RTN1: variants seen among roughly 807,000 people sequenced by gnomAD.
RTN1 encodes reticulon-1.
RTN1 carries 25 observed loss-of-function variants against 65.5 expected under a neutral mutation model. That is an observed-to-expected ratio of 0.38 (90% CI 0.28 to 0.53). The LOEUF is 0.53. RTN1 is among the 20% of genes least tolerant of loss of function. The pLI, the probability that RTN1 is intolerant of heterozygous loss-of-function variation, is 0.79. For synonymous variants in RTN1, 471 were observed against 447.6 expected, an observed-to-expected ratio of 1.05 and a Z score of -0.66; for missense variants, 983 against 1,025.4, an observed-to-expected ratio of 0.96 and a Z score of 0.57.
intron 2 of RTN1, among the ~76,000 whole-genome samples, chr14:59,740,556 G>A (rs1019081774): frequency 6.6e-6 from 1 of 152,152 alleles, no homozygotes; most frequent in Non-Finnish European, 1.5e-5. Flanking sequence ...AAGGCCCAGG[G>A]TCTTGCTTTA....
intron 3 of RTN1, among the ~76,000 whole-genome samples, chr14:59,701,731 G>C (rs896420933): frequency 2.0e-5 from 3 of 152,044 alleles, no homozygotes. Context: ...TTTCTTTTTG[G>C]GGTGATGAAA....
intron 1 of RTN1, among the ~76,000 whole-genome samples, chr14:59,781,987 C>G (rs1053559859): frequency 5.3e-5 from 8 of 152,006 alleles, no homozygotes; most frequent in African/African-American, 9.7e-5. Context: ...GGAGGTAGGG[C>G]CTTTGGGAGG....
intron 3 of RTN1, among the ~76,000 whole-genome samples, chr14:59,624,450 G>A (rs1178340178): frequency 6.6e-6 from 1 of 151,714 alleles, no homozygotes; most frequent in Admixed American, 6.6e-5. Context: ...TCTTTGAATG[G>A]CTGTATTTTC....
intron 3 of RTN1, among the ~76,000 whole-genome samples, chr14:59,680,446 A>T (rs998881865): frequency 6.6e-6 from 1 of 152,226 alleles, no homozygotes; most frequent in African/African-American, 2.4e-5. Flanking sequence ...GTTTACAATA[A>T]GTCTATCTTT....
At chr14:59,684,731 A>G (rs1883811969) in intron 3 of RTN1, among the ~76,000 whole-genome samples, 1 of 152,098 alleles carries the variant, frequency 6.6e-6, no homozygotes, top group African/African-American at 2.4e-5. Flanking sequence ...CTTGAGCAAT[A>G]AAGTTGCAAA....
intron 3 of RTN1, among the ~76,000 whole-genome samples, chr14:59,626,515 G>GA (rs544882892): frequency 6.6e-6 from 1 of 152,250 alleles, no homozygotes. Flanking sequence ...GATCTGGGGA[G>GA]AAAAAATGAT....
intron 1 of RTN1, among the ~76,000 whole-genome samples, chr14:59,805,110 G>A (rs1886614277): frequency 6.6e-6 from 1 of 152,138 alleles, no homozygotes; most frequent in African/African-American, 2.4e-5. Flanking sequence ...CCAAAGTATT[G>A]GTGTGGCTCA....
intron 1 of RTN1, among the ~76,000 whole-genome samples, chr14:59,817,300 T>C (rs528035549): frequency 2.6e-4 from 40 of 152,286 alleles, no homozygotes; most frequent in African/African-American, 9.4e-4. Context: ...CATGAGCCTA[T>C]CTACAGGAGG....
intron 3 of RTN1, among the ~76,000 whole-genome samples, chr14:59,688,117 TC>T (rs1883886082): frequency 6.6e-6 from 1 of 151,576 alleles, no homozygotes; most frequent in Admixed American, 6.6e-5. Flanking sequence ...ACAGGGGCCC[TC>T]TCTACTCGAT....
chr14:59,611,893 C>T (rs1007914022), intron 3 of RTN1, among the ~76,000 whole-genome samples: 4 of 152,096 alleles, frequency 2.6e-5, no homozygotes, highest in Non-Finnish European at 5.9e-5. Context: ...GATGGAAATC[C>T]AGCAGGCCTA....
intron 3 of RTN1, among the ~76,000 whole-genome samples, chr14:59,632,427 T>C (rs897509443): frequency 6.6e-6 from 1 of 152,212 alleles, no homozygotes; most frequent in Non-Finnish European, 1.5e-5. Context: ...GACTTCTCAC[T>C]GCATGATATG....
intron 1 of RTN1, among the ~76,000 whole-genome samples, chr14:59,818,816 C>G (rs1023004129): frequency 2.0e-5 from 3 of 152,228 alleles, no homozygotes; most frequent in Non-Finnish European, 4.4e-5. Context: ...TCTGCAACCT[C>G]AGCGACATCT....
At chr14:59,622,213 C>T (rs192650957) in intron 3 of RTN1, among the ~76,000 whole-genome samples, 82 of 152,294 alleles carry the variant, frequency 5.4e-4, no homozygotes, top group African/African-American at 1.9e-3. Flanking sequence ...TAGTGGCACA[C>T]GCCTGTGATC....
In RTN1 at chr14:59,803,570, T is replaced by C. The variant is rs948270034; in HGVS notation, c.242-57089A>G. Among the ~76,000 whole-genome samples the C allele has an allele frequency of 1.3e-5, 2 of 152,074 alleles. No individual in the cohort carries two copies. Among genetic ancestry groups the C allele is most frequent in the Admixed American group, 1.3e-4 (2 of 15,272 alleles). ...AGAGGGGTGTGAGATCTCCCAGAAT[T>C]TTCCTACCTGGGAAATCAGCATCAT... On this transcript the variant is annotated intron_variant, in intron 1 of 8. Coordinates refer to ENST00000267484, the MANE Select transcript of RTN1 (RefSeq NM_021136.3). The surrounding 1 kb of genome is among the most constrained non-coding windows in gnomAD (Gnocchi z 5.6).
chr14:59,777,933 C>T (rs770743292), intron 1 of RTN1, among the ~76,000 whole-genome samples: 4 of 152,142 alleles, frequency 2.6e-5, no homozygotes, highest in South Asian at 2.1e-4. Flanking sequence ...GCAGCCTCTA[C>T]GTGTCTCTTT....
chr14:59,767,221 G>T (rs1885866801), intron 1 of RTN1, among the ~76,000 whole-genome samples: 1 of 152,128 alleles, frequency 6.6e-6, no homozygotes, highest in Non-Finnish European at 1.5e-5. Context: ...GTGTGGACAT[G>T]GACTATGTTT....
intron 3 of RTN1, among the ~76,000 whole-genome samples, chr14:59,625,071 T>G (rs1882356700): frequency 6.6e-6 from 1 of 152,142 alleles, no homozygotes; most frequent in South Asian, 2.1e-4. Context: ...AGATTATCAT[T>G]TCAAATATAA....
chr14:59,635,104 G>A (rs186816592), intron 3 of RTN1, among the ~76,000 whole-genome samples: 5 of 152,218 alleles, frequency 3.3e-5, no homozygotes, highest in South Asian at 4.1e-4. Context: ...TCAATACCCC[G>A]ACCCACATTA....
rs370370666 is a variant in RTN1, at chr14:59,596,698, C to T, written c.*47G>A. 6.5e-6 allele frequency: 9 copies of T among 1,389,742 alleles called. No individual in the cohort carries two copies. The highest frequency in any genetic ancestry group is 8.2e-6 in the Non-Finnish European group (8 of 975,954). The allele number at this position is 1,389,742 out of a possible 1,614,324, so 86.1% of individuals were successfully genotyped here. On this transcript the variant is annotated 3_prime_UTR_variant, in exon 9 of 9. Transcript: ENST00000267484. Reference sequence around the variant, plus strand: ...TAATGAGTAAGAAGAGAGCTGTTACCACTCCAGACATTCCTGTTTGTGTCC... The same window carrying T: ...TAATGAGTAAGAAGAGAGCTGTTACTACTCCAGACATTCCTGTTTGTGTCC...
Sources: gnomAD v4.1 joint callset for allele counts (sites outside exome capture counted in the v4.1 genomes callset) on GRCh38, gnomAD v4.1.1 for gene constraint, Gnocchi (gnomAD v3.1) non-coding constraint, MANE v1.5 for transcripts, NCBI Gene and HGNC (gene_info 2026-07-23, HGNC 2026-07-21) for gene names.